MAP7D2: variants seen among roughly 807,000 people sequenced by gnomAD.
MAP7D2 encodes MAP7 domain-containing protein 2.
Under a neutral mutation model 63.5 loss-of-function variants are expected in MAP7D2, and 33 were observed. That is an observed-to-expected ratio of 0.52 (90% confidence interval 0.39 to 0.70). MAP7D2 has a LOEUF of 0.70. MAP7D2 is among the 30% of genes least tolerant of loss of function. The pLI, the probability that MAP7D2 is intolerant of heterozygous loss-of-function variation, is 0.00. For synonymous variants in MAP7D2, 224 were observed against 223.7 expected, an observed-to-expected ratio of 1.00 and a Z score of -0.01; for missense variants, 626 against 604.0, an observed-to-expected ratio of 1.04 and a Z score of -0.38.
intron 1 of MAP7D2, among the ~76,000 whole-genome samples, chrX:20,075,545 G>C (rs998805815): frequency 9.0e-6 from 1 of 111,042 alleles, no homozygotes; most frequent in African/African-American, 3.3e-5. Context: ...ACTAGGAATT[G>C]AGTGAGGGAA....
chrX:20,096,158 T>C (rs970558859), intron 1 of MAP7D2, among the ~76,000 whole-genome samples: 4 of 100,537 alleles, frequency 4.0e-5, no homozygotes, highest in African/African-American at 1.5e-4. Context: ...CTGGGTGCAG[T>C]GGCTCATACC....
At chrX:20,104,256 T>A (rs2066508498) in intron 1 of MAP7D2, among the ~76,000 whole-genome samples, 1 of 112,385 alleles carries the variant, frequency 8.9e-6, no homozygotes, top group African/African-American at 3.2e-5. Context: ...CAGGAACATG[T>A]TTTGCAGTAA....
intron 6 of MAP7D2, among the ~76,000 whole-genome samples, chrX:20,047,648 C>CA (rs113884587): frequency 0.019 from 1,151 of 59,445 alleles, 12 homozygotes; most frequent in Middle Eastern, 0.062. Flanking sequence ...CCTATCTCTA[C>CA]AAAAAAAAAA....
intron 8 of MAP7D2, among the ~76,000 whole-genome samples, chrX:20,032,736 C>T (rs1207247892): frequency 1.8e-5 from 2 of 112,083 alleles, no homozygotes; most frequent in African/African-American, 3.2e-5. Context: ...CCCACAAGAT[C>T]TTATCTTTTG....
At chrX:20,074,801 G>A (rs967280379) in intron 1 of MAP7D2, among the ~76,000 whole-genome samples, 2 of 111,395 alleles carry the variant, frequency 1.8e-5, no homozygotes, top group Non-Finnish European at 3.8e-5. Flanking sequence ...CTGTAATCCC[G>A]GCACTTTGGG....
At chrX:20,076,929 T>G (rs2065659408) in intron 1 of MAP7D2, among the ~76,000 whole-genome samples, 2 of 112,894 alleles carry the variant, frequency 1.8e-5, no homozygotes, top group Non-Finnish European at 3.7e-5. Context: ...AAATGATTCC[T>G]AAATGATTTT....
chrX:20,086,182 G>A (rs760525167), intron 1 of MAP7D2, among the ~76,000 whole-genome samples: 16 of 111,914 alleles, frequency 1.4e-4, no homozygotes, highest in Non-Finnish European at 2.3e-4. Context: ...TCTCAGAGCC[G>A]CCTTCTCACT....
intron 1 of MAP7D2, among the ~76,000 whole-genome samples, chrX:20,078,135 C>T (rs968468183): frequency 8.9e-6 from 1 of 112,217 alleles, no homozygotes; most frequent in Non-Finnish European, 1.9e-5. Flanking sequence ...AACCAAAAGA[C>T]AACATGCCAA....
chrX:20,020,967 G>A (rs1193829382), intron 10 of MAP7D2, among the ~76,000 whole-genome samples: 4 of 112,100 alleles, frequency 3.6e-5, no homozygotes, highest in Admixed American at 9.5e-5. Flanking sequence ...GGGACTACAG[G>A]TACAAGCCAT....
At chrX:20,017,792 T>C (rs898417663) in intron 10 of MAP7D2, among the ~76,000 whole-genome samples, 3 of 111,554 alleles carry the variant, frequency 2.7e-5, no homozygotes, top group African/African-American at 9.8e-5. Flanking sequence ...AATAACAAGA[T>C]GTATCTAAAG....
intron 12 of MAP7D2, among the ~76,000 whole-genome samples, chrX:20,014,253 G>C (rs756863771): frequency 8.9e-6 from 1 of 112,316 alleles, no homozygotes; most frequent in African/African-American, 3.2e-5. Flanking sequence ...AAAAAGATTT[G>C]ACATACAGAC....
At chrX:20,051,303 A>G (rs1244217882) in intron 5 of MAP7D2, among the ~76,000 whole-genome samples, 2 of 111,526 alleles carry the variant, frequency 1.8e-5, no homozygotes, top group Non-Finnish European at 3.8e-5. Flanking sequence ...TTATCCCAGC[A>G]CTTTGGGAGG....
At chrX:20,112,204 C>T (rs185532100) in intron 1 of MAP7D2, among the ~76,000 whole-genome samples, 366 of 111,963 alleles carry the variant, frequency 3.3e-3, no homozygotes, top group African/African-American at 0.011. Flanking sequence ...AGAGGAAAAG[C>T]CAAGTCTTTT....
intron 2 of MAP7D2, 139 bp from the exon 3 acceptor site, chrX:20,063,716 G>A (rs759059003): frequency 4.4e-5 from 28 of 643,190 alleles, no homozygotes; most frequent in Middle Eastern, 4.4e-4. Flanking sequence ...TGAGATAAAG[G>A]GTTCTGGTAC....
intron 8 of MAP7D2, among the ~76,000 whole-genome samples, chrX:20,029,319 A>C (rs1466357047): frequency 3.6e-5 from 4 of 112,402 alleles, no homozygotes; most frequent in Non-Finnish European, 7.5e-5. Flanking sequence ...GAGTTCCAGC[A>C]CAACCTCTGT....
At chrX:20,087,782 T>C (rs1176972352) in intron 1 of MAP7D2, among the ~76,000 whole-genome samples, 1 of 109,836 alleles carries the variant, frequency 9.1e-6, no homozygotes, top group Non-Finnish European at 1.9e-5. Context: ...CACAAGCAAA[T>C]AGCAGGTCCA....
Position 20,025,669 on chromosome X carries a change from G to T in MAP7D2, c.1279+12C>A. ...CGTCTTGGGAAAGCCAAGGCACGGT[G>T]GCAGCATCTACCTGCGCTGTTTTCG... is the stretch of plus-strand genomic sequence containing the variant. On this transcript the variant is annotated intron_variant, in intron 9 of 16. Transcript: ENST00000379643. 8.3e-7 allele frequency: 1 copy of T among 1,210,394 alleles called. No individual in the cohort carries two copies. The highest frequency in any genetic ancestry group is 1.1e-6 in the Non-Finnish European group (1 of 894,449).
At chrX:20,099,032 A>C (rs2066353138) in intron 1 of MAP7D2, among the ~76,000 whole-genome samples, 1 of 112,662 alleles carries the variant, frequency 8.9e-6, no homozygotes, top group Non-Finnish European at 1.9e-5. Context: ...ACATGTACTT[A>C]TTAAATTACT....
chrX:20,099,900 G>C (rs1048095582), intron 1 of MAP7D2, among the ~76,000 whole-genome samples: 2 of 112,041 alleles, frequency 1.8e-5, no homozygotes, highest in Non-Finnish European at 3.8e-5. Context: ...CTCACTTATA[G>C]ATTAACTATC....
Sources: allele counts gnomAD v4.1 joint callset (sites outside exome capture counted in the v4.1 genomes callset), GRCh38; gene constraint gnomAD v4.1.1; transcripts MANE v1.5; gene names NCBI Gene and HGNC (gene_info 2026-07-23, HGNC 2026-07-21).